Variants in DNAH17 observed in about 807,000 individuals in gnomAD.
DNAH17 encodes dynein axonemal heavy chain 17.
DNAH17 carries 376 observed loss-of-function variants against 485.6 expected under a neutral mutation model. That is an observed-to-expected ratio of 0.77 (90% CI 0.71 to 0.84). DNAH17 has a LOEUF of 0.84. DNAH17 is among the 40% of genes least tolerant of loss of function. DNAH17 has a pLI of 0.00. For synonymous variants in DNAH17, 3,031 were observed against 2,405.9 expected (o/e 1.26, Z -7.60); for missense variants, 6,370 against 5,839.3 (o/e 1.09, Z -2.96).
chr17:78,490,397 A>G (rs1438961057), intron 44 of DNAH17, among the ~76,000 whole-genome samples: 3 of 151,940 alleles, frequency 2.0e-5, no homozygotes, highest in African/African-American at 7.3e-5. Flanking sequence ...CCAAACTTCA[A>G]TCACCTGGGA....
chr17:78,428,707 C>T lies in DNAH17; in HGVS notation c.12406G>A (p.Gly4136Ser). 6.2e-7 allele frequency: 1 copy of T among 1,613,030 alleles called. No individual in the cohort carries two copies. The highest frequency in any genetic ancestry group is 8.5e-7 in the Non-Finnish European group (1 of 1,179,220). ...TTCTCATCGATGTATTCGTGGTAAC[C>T]CTGAAAAAGAGGGCAGTTTGTAAGC... is the stretch of plus-strand genomic sequence containing the variant. ...FQIPPNLDYK[G>S]YHEYIDENLP... The change falls in exon 77 of 81, where the codon GGT becomes AGT. Residue 4136 changes from glycine (G) to serine (S), a missense_variant and splice_region_variant. Transcript: ENST00000389840.
At chr17:78,496,775 C>G (rs567811658) in intron 37 of DNAH17, 2 of 150,974 alleles carry the variant, frequency 1.3e-5, no homozygotes, top group South Asian at 4.2e-4. Context: ...GGGTTCGCCC[C>G]ATTCTCCTGC....
chr17:78,481,809 G>A (rs866082008), intron 48 of DNAH17, among the ~76,000 whole-genome samples: 75 of 152,268 alleles, frequency 4.9e-4, no homozygotes, highest in African/African-American at 1.8e-3. Context: ...GAGGTCAGGA[G>A]ATCAAGATCA....
At chr17:78,490,905 G>C (rs1036372134) in intron 43 of DNAH17, 58 bp from the exon 44 acceptor site, 1 of 1,505,372 alleles carries the variant, frequency 6.6e-7, no homozygotes, top group Non-Finnish European at 8.9e-7. Flanking sequence ...TCCCAATGGT[G>C]TTCTGGGGTG....
chr17:78,447,283 T>C (rs1018173944), intron 69 of DNAH17, among the ~76,000 whole-genome samples: 1 of 152,216 alleles, frequency 6.6e-6, no homozygotes, highest in South Asian at 2.1e-4. Flanking sequence ...TGTACAGGAA[T>C]GTGGACAGAT....
chr17:78,525,267 C>T (rs75793624), intron 24 of DNAH17, 106 bp from the exon 25 acceptor site: 1 of 1,454,256 alleles, frequency 6.9e-7, no homozygotes, highest in Non-Finnish European at 9.2e-7. Flanking sequence ...CCCTGATAAA[C>T]CTTCTGGGAG....
chr17:78,553,677 T>C (rs1448612350), intron 14 of DNAH17, among the ~76,000 whole-genome samples: 2 of 152,224 alleles, frequency 1.3e-5, no homozygotes, highest in East Asian at 3.8e-4. Flanking sequence ...CCACAATTTT[T>C]AGAATGACTT....
chr17:78,532,880 T>A (rs976692750), intron 19 of DNAH17, 144 bp from the exon 20 acceptor site: 6 of 1,032,230 alleles, frequency 5.8e-6, no homozygotes, highest in Non-Finnish European at 8.2e-6. Flanking sequence ...TTTTCCAGCC[T>A]GGGCCGATCA....
chr17:78,506,785 G>A lies in DNAH17; in HGVS notation c.4738C>T (p.Arg1580Trp), dbSNP rs749988595. ...TCAGCCGAGGAGACAAAATAGAACC[G>A]GGGGAAAGCCAGTCTTTTCGTCTCT... ...YLETKRLAFP[R>W]FYFVSSADLL... is the part of the protein sequence containing the mutation. The change falls in exon 30 of 81, where the codon CGG becomes TGG. Residue 1580 changes from arginine (R) to tryptophan (W), a missense_variant. Arg to Trp is a moderately radical substitution (Grantham distance 101). Transcript: ENST00000389840. 3.7e-6 allele frequency: 6 copies of A among 1,613,978 alleles called. No individual in the cohort carries two copies. Among genetic ancestry groups the A allele is most frequent in the East Asian group, 2.2e-5 (1 of 44,880 alleles).
At chr17:78,428,950 T>C (rs572617188) in intron 76 of DNAH17, among the ~76,000 whole-genome samples, 171 bp downstream of exon 76, 1 of 138,582 alleles carries the variant, frequency 7.2e-6, no homozygotes, top group African/African-American at 2.6e-5. Flanking sequence ...AAAAAAAGGT[T>C]GTTTGTATTA....
In DNAH17 at chr17:78,573,995, C is replaced by A. The variant is rs905139109; in HGVS notation, c.345+718G>T. 1.7e-3 allele frequency among the ~76,000 whole-genome samples: 252 copies of A among 152,308 alleles called. 1 individual carries two copies. The highest frequency in any genetic ancestry group is 5.7e-3 in the African/African-American group (237 of 41,566). Reference sequence around the variant, plus strand: ...CAGAGGGACACATAAAATGACACTCCATTTTTTCCCCTTTCTTAAGTCAAA... The same window carrying A: ...CAGAGGGACACATAAAATGACACTCAATTTTTTCCCCTTTCTTAAGTCAAA... On this transcript the variant is annotated intron_variant, in intron 2 of 80. Coordinates refer to ENST00000389840, the MANE Select transcript of DNAH17 (RefSeq NM_173628.4).
Position 78,425,508 on chromosome 17 carries a change from TGAA to T in DNAH17, c.12976_12978del (p.Phe4326del). 6.2e-7 allele frequency: 1 copy of T among 1,613,826 alleles called. No individual in the cohort carries two copies. Among genetic ancestry groups the T allele is most frequent in the African/African-American group, 1.3e-5 (1 of 75,008 alleles). ...ATGGCCGTGAGGAACGACTGGGGGT[TGAA>T]GAAGCCGGCCAGCCACACGGTGGTG... On this transcript the variant is annotated inframe_deletion, in exon 80 of 81. Coordinates refer to ENST00000389840, the MANE Select transcript of DNAH17 (RefSeq NM_173628.4).
At chr17:78,478,616 A>AC (rs1205621598) in intron 51 of DNAH17, among the ~76,000 whole-genome samples, 2 of 119,468 alleles carry the variant, frequency 1.7e-5, no homozygotes, top group Non-Finnish European at 3.2e-5. Context: ...CACCGTCATC[A>AC]CCCCCATTAT....
At chr17:78,503,839 A>G (rs1424527039) in intron 31 of DNAH17, among the ~76,000 whole-genome samples, 5 of 151,954 alleles carry the variant, frequency 3.3e-5, no homozygotes, top group Non-Finnish European at 7.4e-5. Flanking sequence ...GGTGGCAGGC[A>G]CCTGTAATCC....
At chr17:78,450,018 AG>A in intron 68 of DNAH17, 1 of 559,676 alleles carries the variant, frequency 1.8e-6, no homozygotes, top group South Asian at 2.3e-5. Context: ...TGGAGGCACC[AG>A]GGGAAGAGCA....
chr17:78,466,732 C>A lies in DNAH17; in HGVS notation c.8863G>T (p.Asp2955Tyr), dbSNP rs372739241. 1 of 1,613,068 alleles carries A rather than the reference C, an allele frequency of 6.2e-7. No homozygotes were observed. The highest frequency in any genetic ancestry group is 8.5e-7 in the Non-Finnish European group (1 of 1,179,620). The change falls in exon 56 of 81, where the codon GAC becomes TAC. Residue 2955 changes from aspartate to tyrosine, a missense_variant. Coordinates refer to ENST00000389840, the MANE Select transcript of DNAH17 (RefSeq NM_173628.4). ...TCTTCCGGCCACTCGTGGAACCAGT[C>A]GATGGCCGTGCAGTTGACCACAGCT... ...FPAVVNCTAI[D>Y]WFHEWPEDAL... is the part of the protein sequence containing the mutation.
rs766320762 is a variant in DNAH17 at position 78,492,715 on chromosome 17, G to A, written c.6459C>T (p.Val2153=). The change falls in exon 42 of 81, where the codon GTC becomes GTT. Residue 2153 remains valine (V), a synonymous_variant. Coordinates refer to ENST00000389840, the MANE Select transcript of DNAH17 (RefSeq NM_173628.4). ...CGGCCTTGGGGTCCAGGTCCACGGC[G>A]ACCGGCTTCCTCTTCAGGTTCTGAT... ...KTYQNLKRKP[V]AVDLDPKAVT... The A allele has an allele frequency of 6.0e-5, 97 of 1,612,836 alleles. No individual in the cohort carries two copies. The Admixed American group carries it at 9.5e-4, about 16-fold the overall frequency.
At chr17:78,536,411 C>G (rs2091375456) in intron 19 of DNAH17, among the ~76,000 whole-genome samples, 1 of 152,128 alleles carries the variant, frequency 6.6e-6, no homozygotes, top group Non-Finnish European at 1.5e-5. Flanking sequence ...GATTATGCTA[C>G]TGCACTCCAG....
intron 48 of DNAH17, 137 bp from the exon 49 acceptor site, chr17:78,480,923 T>G (rs2089319958): frequency 1.5e-6 from 1 of 652,080 alleles, no homozygotes; most frequent in Admixed American, 2.9e-5. Flanking sequence ...CAGGCTGGAG[T>G]GCAGTGGCAC....
Sources: gnomAD v4.1 joint callset for allele counts (sites outside exome capture counted in the v4.1 genomes callset) on GRCh38, gnomAD v4.1.1 for gene constraint, MANE v1.5 for transcripts, NCBI Gene and HGNC (gene_info 2026-07-23, HGNC 2026-07-21) for gene names.